The following MLIP variants were observed in gnomAD, a reference collection of about 807,000 sequenced individuals.
MLIP encodes muscular LMNA-interacting protein.
Under a neutral mutation model 84.8 loss-of-function variants are expected in MLIP, and 79 were observed. The ratio of observed to expected loss-of-function variants is 0.93; its 90% CI spans 0.78 to 1.12. The LOEUF is 1.12. Among genes scored for constraint, MLIP ranks in the 50% most tolerant of loss-of-function variants. The pLI, the probability that MLIP is intolerant of heterozygous loss-of-function variation, is 0.00. For missense variants in MLIP, 1,257 were observed against 1,160.6 expected (o/e 1.08, Z -1.21); for synonymous variants, 504 against 463.0 (o/e 1.09, Z -1.14).
intron 1 of MLIP, among the ~76,000 whole-genome samples, chr6:54,056,105 G>C (rs1765646181): frequency 6.6e-6 from 1 of 152,004 alleles, no homozygotes; most frequent in Admixed American, 6.6e-5. Context: ...TATTTTGTTA[G>C]AGTCATCATA....
At position 54,121,434 on chromosome 6, in the gene MLIP, A is replaced by G. The variant is rs775074227; in HGVS notation, c.97-13A>G. On this transcript the variant is annotated splice_polypyrimidine_tract_variant and intron_variant, in intron 1 of 13. Coordinates refer to ENST00000502396, the MANE Select transcript of MLIP (RefSeq NM_001281747.2). Reference sequence around the variant, plus strand: ...GACAAGGCTGAAAGTCTAATTAACTACATGTCTCATAGGTCTCTGCTGGTG... The same window carrying G: ...GACAAGGCTGAAAGTCTAATTAACTGCATGTCTCATAGGTCTCTGCTGGTG... 1 of 1,612,862 alleles carries G rather than the reference A, an allele frequency of 6.2e-7. No individual in the cohort carries two copies. The highest frequency in any genetic ancestry group is 1.1e-5 in the South Asian group (1 of 90,584).
intron 1 of MLIP, among the ~76,000 whole-genome samples, chr6:54,023,373 T>C (rs1763619091): frequency 6.6e-6 from 1 of 151,760 alleles, no homozygotes; most frequent in Admixed American, 6.6e-5. Flanking sequence ...TAACAGCATA[T>C]ATCTAATATA....
At chr6:54,197,395 T>C (rs989582447) in intron 10 of MLIP, among the ~76,000 whole-genome samples, 1 of 152,044 alleles carries the variant, frequency 6.6e-6, no homozygotes, top group African/African-American at 2.4e-5. Flanking sequence ...GACACTATAG[T>C]TCCTGACACA....
chr6:54,051,872 T>G (rs1468290137), intron 1 of MLIP, among the ~76,000 whole-genome samples: 1 of 152,206 alleles, frequency 6.6e-6, no homozygotes, highest in African/African-American at 2.4e-5. Flanking sequence ...ACATGTTTCC[T>G]TTTGTTGTTT....
chr6:54,129,095 C>A (rs2150459466), intron 3 of MLIP, among the ~76,000 whole-genome samples: 2 of 152,090 alleles, frequency 1.3e-5, no homozygotes, highest in South Asian at 4.1e-4. Context: ...ACATGAAATT[C>A]TGAGGAATTT....
intron 8 of MLIP, among the ~76,000 whole-genome samples, chr6:54,166,855 G>A (rs1245733770): frequency 6.6e-6 from 1 of 151,796 alleles, no homozygotes; most frequent in African/African-American, 2.4e-5. Flanking sequence ...TCCTCAATAT[G>A]CATACAAATA....
intron 1 of MLIP, among the ~76,000 whole-genome samples, chr6:54,038,998 G>C (rs1449066110): frequency 6.6e-6 from 1 of 151,818 alleles, no homozygotes; most frequent in Non-Finnish European, 1.5e-5. Context: ...TTACTATTGA[G>C]AAATTTTTCT....
intron 12 of MLIP, among the ~76,000 whole-genome samples, chr6:54,247,096 G>A (rs951562237): frequency 2.0e-5 from 3 of 151,966 alleles, no homozygotes. Flanking sequence ...ATATTCCAAG[G>A]CCTTGAATGC....
intron 13 of MLIP, among the ~76,000 whole-genome samples, chr6:54,264,175 G>A (rs1783556518): frequency 6.6e-6 from 1 of 151,968 alleles, no homozygotes; most frequent in South Asian, 2.1e-4. Context: ...TGCCTATGGT[G>A]CTTCAATCTG....
Position 54,137,281 on chromosome 6 carries a change from A to G in MLIP, c.1212A>G (p.Ser404=), listed in dbSNP as rs984716195. The G allele has an allele frequency of 6.5e-6, 10 of 1,536,028 alleles. No individual in the cohort carries two copies. The highest frequency in any genetic ancestry group is 8.7e-6 in the Non-Finnish European group (10 of 1,146,900). The change falls in exon 4 of 14, where the codon TCA becomes TCG. Residue 404 remains serine (S), a synonymous_variant. Transcript: ENST00000502396. ...CATCTAGTGGAAATCTTTCAAAGTC[A>G]GGGGTAAAATCCCCGGTGCCTTCCC... ...QMSSSGNLSK[S]GVKSPVPSRL... is the part of the protein sequence containing the mutation.
At chr6:54,058,509 A>G (rs1440214887) in intron 1 of MLIP, among the ~76,000 whole-genome samples, 1 of 152,238 alleles carries the variant, frequency 6.6e-6, no homozygotes, top group Non-Finnish European at 1.5e-5. Flanking sequence ...CCTTATGGCC[A>G]TCTGCCTACT....
intron 1 of MLIP, among the ~76,000 whole-genome samples, chr6:54,106,222 G>C (rs1043691825): frequency 6.6e-6 from 1 of 152,138 alleles, no homozygotes; most frequent in Non-Finnish European, 1.5e-5. Flanking sequence ...GGAGTGAGGG[G>C]GCCAGGATTT....
chr6:54,035,583 C>A (rs575898962), intron 1 of MLIP, among the ~76,000 whole-genome samples: 1 of 152,016 alleles, frequency 6.6e-6, no homozygotes, highest in African/African-American at 2.4e-5. Context: ...ACATTCCTAT[C>A]AGCAATGTAT....
rs1305264623 is a variant in MLIP, at chr6:54,160,495, AC to A, written c.2356-19del. ...TTCCAAAACTTATTGCTAACCCAGT[AC>A]CTGGTTTCAATTCTTCCAGCTCTAT... On this transcript the variant is annotated intron_variant, in intron 6 of 13. Transcript: ENST00000502396. 6.2e-7 allele frequency: 1 copy of A among 1,611,512 alleles called. No homozygotes were observed. The highest frequency in any genetic ancestry group is 1.3e-5 in the African/African-American group (1 of 74,916).
intron 11 of MLIP, 64 bp downstream of exon 11, chr6:54,202,297 TAAATATATAA>T: frequency 6.7e-6 from 5 of 749,716 alleles, no homozygotes; most frequent in Non-Finnish European, 8.9e-6. Flanking sequence ...AAAATATATA[TAAATATATAA>T]ATATATTTTG....
chr6:54,156,472 A>T (rs1294284430), intron 5 of MLIP, among the ~76,000 whole-genome samples: 1 of 152,152 alleles, frequency 6.6e-6, no homozygotes, highest in Non-Finnish European at 1.5e-5. Context: ...GTTTCCACAG[A>T]CTAATTAAAA....
chr6:54,035,987 C>T (rs897534351), intron 1 of MLIP, among the ~76,000 whole-genome samples: 5 of 151,894 alleles, frequency 3.3e-5, no homozygotes, highest in Non-Finnish European at 7.4e-5. Context: ...GTCCAGTTTA[C>T]CATTTTTTTT....
intron 11 of MLIP, among the ~76,000 whole-genome samples, chr6:54,213,783 CA>C (rs201063926): frequency 0.063 from 4,286 of 67,752 alleles, 218 homozygotes; most frequent in African/African-American, 0.14. Context: ...CAGAATTAAA[CA>C]AAAAAAAGTT....
intron 1 of MLIP, among the ~76,000 whole-genome samples, chr6:54,028,618 G>T (rs1313861630): frequency 1.3e-5 from 2 of 152,094 alleles, no homozygotes; most frequent in Non-Finnish European, 2.9e-5. Flanking sequence ...TTCAGTTTTG[G>T]AATTCTGGCA....
Sources: allele counts gnomAD v4.1 joint callset (sites outside exome capture counted in the v4.1 genomes callset), GRCh38; gene constraint gnomAD v4.1.1; transcripts MANE v1.5; gene names NCBI Gene and HGNC (gene_info 2026-07-23, HGNC 2026-07-21).